PCDHA5: variants seen among roughly 807,000 people sequenced by gnomAD.
PCDHA5 encodes protocadherin alpha 5.
PCDHA5 carries 43 observed loss-of-function variants against 61.6 expected under a neutral mutation model. That is an observed-to-expected ratio of 0.70 (90% confidence interval 0.55 to 0.90). The LOEUF is 0.90. PCDHA5 is among the 40% of genes least tolerant of loss of function. The probability of loss-of-function intolerance (pLI) is 0.00; values close to 1 mark genes in which losing one functional copy is unlikely to be tolerated. For missense variants in PCDHA5, 1,298 were observed against 1,222.7 expected (o/e 1.06, Z -0.92); for synonymous variants, 627 against 543.9 (o/e 1.15, Z -2.13).
rs141028628 is a variant in PCDHA5 at position 140,891,378 on chromosome 5, T to A, written c.2352+67251T>A. Among the ~76,000 whole-genome samples the A allele has an allele frequency of 2.3e-4, 35 of 152,222 alleles. 1 individual carries two copies. The East Asian group carries it at 6.8e-3, about 29-fold the overall frequency. On this transcript the variant is annotated intron_variant, in intron 1 of 3. Coordinates refer to ENST00000529859, the MANE Select transcript of PCDHA5 (RefSeq NM_018908.3). ...CACCTGAGCAGTATACATTGCACCA[T>A]ATTTGCAATCTTTTATCCCTCGCCA...
chr5:140,977,876 G>A (rs1425308379), intron 1 of PCDHA5, among the ~76,000 whole-genome samples: 3 of 152,190 alleles, frequency 2.0e-5, no homozygotes, highest in Non-Finnish European at 2.9e-5. Flanking sequence ...TAAGTATAAT[G>A]TAGAGGAAAA....
At chr5:140,910,116 A>C (rs1205054200) in intron 1 of PCDHA5, among the ~76,000 whole-genome samples, 1 of 152,222 alleles carries the variant, frequency 6.6e-6, no homozygotes, top group Non-Finnish European at 1.5e-5. Flanking sequence ...AAGGGATTCT[A>C]GGTCTGTAAA....
At chr5:140,965,657 T>TA (rs2095920205) in intron 1 of PCDHA5, among the ~76,000 whole-genome samples, 2 of 152,196 alleles carry the variant, frequency 1.3e-5, no homozygotes, top group Non-Finnish European at 2.9e-5. Context: ...AGAAAATGTC[T>TA]TGGGTGATAA....
At chr5:140,870,990 G>C in intron 1 of PCDHA5, 6 of 1,613,518 alleles carry the variant, frequency 3.7e-6, no homozygotes, top group Non-Finnish European at 5.1e-6. Flanking sequence ...ACACGGGCGA[G>C]ATAAGCACAA....
intron 1 of PCDHA5, among the ~76,000 whole-genome samples, chr5:140,844,305 T>C (rs1779315965): frequency 1.3e-5 from 2 of 149,704 alleles, no homozygotes; most frequent in Non-Finnish European, 3.0e-5. Context: ...ATAGTTTTCA[T>C]ATTCTTCCTA....
intron 1 of PCDHA5, among the ~76,000 whole-genome samples, chr5:140,971,149 G>C (rs2096459410): frequency 1.3e-5 from 2 of 152,200 alleles, no homozygotes; most frequent in Admixed American, 1.3e-4. Context: ...GAACAAGTCA[G>C]GCCAGGCTCA....
chr5:140,889,067 C>T (rs1169049844), intron 1 of PCDHA5, among the ~76,000 whole-genome samples: 1 of 151,942 alleles, frequency 6.6e-6, no homozygotes, highest in Admixed American at 6.6e-5. Flanking sequence ...TAATATACTA[C>T]TTATTTTGTT....
At chr5:140,862,971 A>T (rs1581664688) in intron 1 of PCDHA5, 1 of 544,766 alleles carries the variant, frequency 1.8e-6, no homozygotes, top group Non-Finnish European at 3.6e-6. Context: ...GATGCAGGCC[A>T]CTTGGTGGCG....
intron 1 of PCDHA5, among the ~76,000 whole-genome samples, chr5:140,855,657 G>A (rs2043553278): frequency 6.7e-6 from 1 of 149,788 alleles, no homozygotes; most frequent in African/African-American, 2.5e-5. Context: ...GGTTAGGGAA[G>A]AAATCACTAC....
At chr5:140,890,526 ATCT>A (rs2062679933) in intron 1 of PCDHA5, among the ~76,000 whole-genome samples, 1 of 151,278 alleles carries the variant, frequency 6.6e-6, no homozygotes, top group Admixed American at 6.6e-5. Flanking sequence ...TCCTTTGTTG[ATCT>A]TCTTTTGAAA....
chr5:141,007,107 A>G (rs1162403610), intron 3 of PCDHA5, among the ~76,000 whole-genome samples: 1 of 152,190 alleles, frequency 6.6e-6, no homozygotes, highest in Non-Finnish European at 1.5e-5. Context: ...GCCAAACCCA[A>G]GGAAGCTTCA....
chr5:140,916,142 T>C (rs868910993), intron 1 of PCDHA5, among the ~76,000 whole-genome samples: 2 of 151,944 alleles, frequency 1.3e-5, no homozygotes, highest in African/African-American at 4.8e-5. Context: ...GGCTGTTCAG[T>C]TGTGTTGTGG....
chr5:140,882,046 TACTTAC>T lies in PCDHA5; in HGVS notation c.2352+57928_2352+57933del, dbSNP rs2058922100. The T allele has an allele frequency of 1.6e-5, 12 of 728,060 alleles. No homozygotes were observed. In the South Asian group the frequency reaches 2.5e-4, roughly 15 times the overall value. 45.1% of individuals were successfully genotyped at this position (728,060 alleles called of 1,614,324 possible). ...AATGGAAAATATGAAGACTGAGTCA[TACTTAC>T]ACTTACACGTTCATGCGCATGGTGT... is the stretch of plus-strand genomic sequence containing the variant. On this transcript the variant is annotated intron_variant, in intron 1 of 3. Coordinates refer to ENST00000529859, the MANE Select transcript of PCDHA5 (RefSeq NM_018908.3).
At chr5:140,935,598 G>A (rs540310470) in intron 1 of PCDHA5, among the ~76,000 whole-genome samples, 5 of 152,148 alleles carry the variant, frequency 3.3e-5, no homozygotes, top group Admixed American at 6.5e-5. Context: ...TAGATACAGA[G>A]CTAGGCTTTT....
intron 1 of PCDHA5, among the ~76,000 whole-genome samples, chr5:140,917,038 C>T (rs1342700377): frequency 6.6e-6 from 1 of 152,168 alleles, no homozygotes; most frequent in African/African-American, 2.4e-5. Context: ...CTGAGTCCAG[C>T]ACAGTGTTGT....
intron 1 of PCDHA5, chr5:140,863,153 A>T (rs1554157836): frequency 1.6e-6 from 1 of 625,716 alleles, no homozygotes; most frequent in South Asian, 1.4e-5. Flanking sequence ...GTGAAGGACC[A>T]CTGCGAGCTG....
At chr5:140,921,676 T>A (rs2080324583) in intron 1 of PCDHA5, among the ~76,000 whole-genome samples, 1 of 152,178 alleles carries the variant, frequency 6.6e-6, no homozygotes, top group South Asian at 2.1e-4. Flanking sequence ...ACAGTTATCA[T>A]CAAACACTGG....
chr5:140,892,507 C>T (rs1261497068), intron 1 of PCDHA5, among the ~76,000 whole-genome samples: 1 of 152,162 alleles, frequency 6.6e-6, no homozygotes, highest in Non-Finnish European at 1.5e-5. Context: ...TTAAGAAGTT[C>T]CACCATGACT....
Position 140,823,891 on chromosome 5 carries a change from G to T in PCDHA5, c.2116G>T (p.Val706Leu). 5 of 1,613,962 alleles carry T rather than the reference G, an allele frequency of 3.1e-6. No homozygotes were observed. Among genetic ancestry groups the T allele is most frequent in the Non-Finnish European group, 4.2e-6 (5 of 1,179,946 alleles). Residue 706 changes from valine to leucine, a missense_variant, in exon 1 of 4, where the codon GTG (valine) becomes TTG (leucine). Physicochemically the swap from Val to Leu is conservative, Grantham distance 32 (BLOSUM62 1). Transcript: ENST00000529859. ...GTACCTGATCATCGCCATCTGTGCG[G>T]TGTCCAGCCTGCTGGTGCTCACGCT... ...NVYLIIAICA[V>L]SSLLVLTLLL...
Sources: allele counts gnomAD v4.1 joint callset (sites outside exome capture counted in the v4.1 genomes callset), GRCh38; gene constraint gnomAD v4.1.1; transcripts MANE v1.5; gene names NCBI Gene and HGNC (gene_info 2026-07-23, HGNC 2026-07-21).